The following GRB14 variants were observed in gnomAD, a reference collection of about 807,000 sequenced individuals.
GRB14 encodes growth factor receptor bound protein 14.
A neutral mutation model predicts 69.1 loss-of-function variants in GRB14; 38 were observed. The ratio of observed to expected loss-of-function variants is 0.55; its 90% CI spans 0.42 to 0.72. GRB14 has a LOEUF of 0.72. Ranked by LOEUF, GRB14 falls within the 30% of genes least tolerant of loss-of-function variation. The pLI, the probability that GRB14 is intolerant of heterozygous loss-of-function variation, is 0.00. For missense variants in GRB14, 666 were observed against 666.1 expected, an observed-to-expected ratio of 1.00 and a Z score of 0.00; for synonymous variants, 247 against 241.3, an observed-to-expected ratio of 1.02 and a Z score of -0.22.
At chr2:164,611,775 T>C (rs973935031) in intron 2 of GRB14, among the ~76,000 whole-genome samples, 1 of 152,090 alleles carries the variant, frequency 6.6e-6, no homozygotes, top group Non-Finnish European at 1.5e-5. Flanking sequence ...TTTCCATGAA[T>C]GTGACTCCTG....
At chr2:164,507,238 C>T (rs186276674) in intron 8 of GRB14, among the ~76,000 whole-genome samples, 3 of 152,100 alleles carry the variant, frequency 2.0e-5, no homozygotes, top group Non-Finnish European at 2.9e-5. Context: ...CAACAGAGAG[C>T]AGAAGAGGTA....
chr2:164,576,250 G>A (rs1221153460), intron 2 of GRB14, among the ~76,000 whole-genome samples: 1 of 151,476 alleles, frequency 6.6e-6, no homozygotes, highest in Non-Finnish European at 1.5e-5. Context: ...TTAATTGACT[G>A]TTATCCAACC....
intron 3 of GRB14, among the ~76,000 whole-genome samples, chr2:164,530,841 G>A (rs1266507392): frequency 6.6e-6 from 1 of 152,144 alleles, no homozygotes; most frequent in Non-Finnish European, 1.5e-5. Flanking sequence ...AAGTCATTTT[G>A]AACACAGGAA....
chr2:164,544,693 A>G (rs1484499873), intron 3 of GRB14, among the ~76,000 whole-genome samples: 1 of 152,200 alleles, frequency 6.6e-6, no homozygotes, highest in African/African-American at 2.4e-5. Flanking sequence ...GCAGGTTGAT[A>G]ACTATCTAGG....
intron 2 of GRB14, among the ~76,000 whole-genome samples, chr2:164,554,735 G>A (rs1417154809): frequency 1.3e-5 from 2 of 152,026 alleles, no homozygotes; most frequent in East Asian, 3.9e-4. Context: ...TGGAATGTGG[G>A]TGAAGCAAAT....
At chr2:164,539,947 A>G (rs148461749) in intron 3 of GRB14, 2 of 152,318 alleles carry the variant, frequency 1.3e-5, no homozygotes, top group African/African-American at 2.4e-5. Flanking sequence ...TGGTCTCCTT[A>G]GTAGTATACT....
At chr2:164,562,140 T>C (rs1487463803) in intron 2 of GRB14, among the ~76,000 whole-genome samples, 3 of 152,148 alleles carry the variant, frequency 2.0e-5, no homozygotes, top group African/African-American at 7.2e-5. Context: ...TGATCAAAAG[T>C]AACAAGTTCT....
chr2:164,509,443 T>C (rs891584577), intron 6 of GRB14, among the ~76,000 whole-genome samples: 10 of 152,232 alleles, frequency 6.6e-5, no homozygotes, highest in African/African-American at 2.4e-4. Flanking sequence ...GGAATGTTTC[T>C]GATTTTCAAC....
rs145190294 is a variant in GRB14, at chr2:164,565,278, TCACA to T, written c.325-17466_325-17463del. On this transcript the variant is annotated intron_variant, in intron 2 of 13. Coordinates refer to ENST00000263915, the MANE Select transcript of GRB14 (RefSeq NM_004490.3). Reference sequence around the variant, plus strand: ...TATAAACTGTCTTTCTATCACACACTCACACACACACACACACACACACACTTGG... The same window carrying T: ...TATAAACTGTCTTTCTATCACACACTCACACACACACACACACACACTTGG... Among the ~76,000 whole-genome samples the T allele has an allele frequency of 4.0e-5, 5 of 125,828 alleles. 1 individual carries two copies. Among genetic ancestry groups the T allele is most frequent in the African/African-American group, 7.5e-5 (3 of 39,790 alleles). The allele number at this position is 125,828 out of a possible 152,430, so 82.5% of individuals were successfully genotyped here. A position where few individuals can be genotyped will look rare whatever the true frequency, so the allele number is the denominator to read the frequency against.
At chr2:164,513,281 T>C (rs1303290046) in intron 6 of GRB14, among the ~76,000 whole-genome samples, 4 of 152,060 alleles carry the variant, frequency 2.6e-5, no homozygotes, top group East Asian at 1.9e-4. Context: ...AATGGCTTTC[T>C]GTAGTGGATT....
At position 164,584,048 on chromosome 2, in the gene GRB14, C is replaced by T. The variant is rs141667449; in HGVS notation, c.324+35639G>A. On this transcript the variant is annotated intron_variant, in intron 2 of 13. Transcript: ENST00000263915. ...TCACCCAGGCTGGAGTGCAGTGGCT[C>T]GATCTCAGCTCACTGCAACTTCTAC... Among the ~76,000 whole-genome samples the T allele has an allele frequency of 3.5e-3, 523 of 150,076 alleles. 2 individuals carry two copies. Among genetic ancestry groups the T allele is most frequent in the Non-Finnish European group, 4.8e-3 (324 of 67,756 alleles).
intron 12 of GRB14, among the ~76,000 whole-genome samples, chr2:164,495,191 C>T (rs1250617795): frequency 1.1e-4 from 16 of 152,118 alleles, no homozygotes; most frequent in Non-Finnish European, 2.2e-4. Flanking sequence ...ATCCGCCTGC[C>T]TCGGCCTCCC....
chr2:164,547,917 A>G, intron 2 of GRB14, 101 bp from the exon 3 acceptor site: 1 of 656,718 alleles, frequency 1.5e-6, no homozygotes, highest in Non-Finnish European at 2.3e-6. Flanking sequence ...ATATTATGAG[A>G]TATATATAAA....
chr2:164,610,906 C>A, intron 2 of GRB14, among the ~76,000 whole-genome samples: 1 of 101,146 alleles, frequency 9.9e-6, no homozygotes, highest in Non-Finnish European at 2.0e-5. Flanking sequence ...TACATTTAGG[C>A]TGGTCAAAAA....
intron 5 of GRB14, among the ~76,000 whole-genome samples, chr2:164,524,537 C>T (rs77076255): frequency 5.7e-4 from 86 of 152,128 alleles, no homozygotes; most frequent in African/African-American, 2.0e-3. Flanking sequence ...CTATTACAAA[C>T]GCTAGTGAAT....
intron 2 of GRB14, among the ~76,000 whole-genome samples, chr2:164,578,528 AC>A (rs1689311096): frequency 2.0e-5 from 3 of 151,568 alleles, no homozygotes; most frequent in African/African-American, 7.3e-5. Context: ...GCGCGCACAC[AC>A]ACACACACAC....
At position 164,619,717 on chromosome 2, in the gene GRB14, T is replaced by C. The variant is rs201926887; in HGVS notation, c.294A>G (p.Leu98=). 80 of 1,584,340 alleles carry C rather than the reference T, an allele frequency of 5.0e-5. No individual in the cohort carries two copies. In the Admixed American group the frequency reaches 6.3e-4, roughly 13 times the overall value. ...SPFTSVLSAD[L]FPKANSRKKQ... ...TTTTCCTTGAATTTGCTTTGGGAAA[T>C]AGGTCTGCTGACAACACAGATGTAA... Residue 98 remains leucine, a synonymous_variant, in exon 2 of 14, where the codon CTA becomes CTG. Transcript: ENST00000263915.
chr2:164,598,939 TAA>T (rs144138731), intron 2 of GRB14, among the ~76,000 whole-genome samples: 2,852 of 152,300 alleles, frequency 0.019, 80 homozygotes, highest in African/African-American at 0.065. Context: ...CTTAAAACAA[TAA>T]CGCTTACGTT....
At chr2:164,548,864 G>A (rs1480981962) in intron 2 of GRB14, among the ~76,000 whole-genome samples, 1 of 151,960 alleles carries the variant, frequency 6.6e-6, no homozygotes, top group Middle Eastern at 3.4e-3. Flanking sequence ...GTCTATTCAG[G>A]CCCTTTGCTT....
Sources: allele counts gnomAD v4.1 joint callset (sites outside exome capture counted in the v4.1 genomes callset), GRCh38; gene constraint gnomAD v4.1.1; transcripts MANE v1.5; gene names NCBI Gene and HGNC (gene_info 2026-07-23, HGNC 2026-07-21).